Variants in TOR1B observed in about 807,000 individuals in gnomAD.
TOR1B encodes torsin family 1 member B, also known as torsin-1B.
Under a neutral mutation model 29.2 loss-of-function variants are expected in TOR1B, and 14 were observed. The ratio of observed to expected loss-of-function variants is 0.48; its 90% CI spans 0.32 to 0.75. The LOEUF (loss-of-function observed/expected upper bound fraction) is 0.75, where lower values mean the gene tolerates loss of function less well. Among genes scored for constraint, TOR1B ranks in the 30% least tolerant of loss-of-function variants. The pLI is 0.04. For missense variants in TOR1B, 400 were observed against 433.9 expected (o/e 0.92, Z 0.69); for synonymous variants, 166 against 179.8 (o/e 0.92, Z 0.62).
chr9:129,809,670 G>A lies in TOR1B; in HGVS notation c.*87G>A. ...TCAGAAGAACCCTGAAGACCGCTTT[G>A]GGGTTTTGCCTGTTTGCACCTTAGA... On this transcript the variant is annotated 3_prime_UTR_variant, in exon 5 of 5. Transcript: ENST00000259339. The A allele has an allele frequency of 6.4e-7, 1 of 1,569,706 alleles. No homozygotes were observed. The highest frequency in any genetic ancestry group is 1.2e-5 in the South Asian group (1 of 84,796).
In TOR1B at chr9:129,804,270, A is replaced by G. The variant is rs1424559994; in HGVS notation, c.397A>G (p.Ser133Gly). The G allele has an allele frequency of 6.2e-7, 1 of 1,614,234 alleles. No individual in the cohort carries two copies. The highest frequency in any genetic ancestry group is 1.7e-5 in the Admixed American group (1 of 60,020). ...AAATCTTCACCCAAAAGGTCTGAAGAGTAACTTTGTCCACCTGTTTGTATC... is the reference window on the plus strand; with the variant it reads ...AAATCTTCACCCAAAAGGTCTGAAGGGTAACTTTGTCCACCTGTTTGTATC... The part of the protein sequence containing the change: ...AENLHPKGLK[S>G]NFVHLFVSTL... Residue 133 changes from serine (S) to glycine (G), a missense_variant, in exon 2 of 5, where the codon AGT becomes GGT. Physicochemically the swap from Ser to Gly is moderately conservative, Grantham distance 56. Transcript: ENST00000259339.
rs542740092 is a variant in TOR1B, at chr9:129,810,351, G to C, written c.*768G>C. 844 of 1,105,482 alleles carry C rather than the reference G, an allele frequency of 7.6e-4. 59 individuals are homozygous for C. In the South Asian group the frequency reaches 9.9e-3, roughly 13 times the overall value. The allele number at this position is 1,105,482 out of a possible 1,614,324, so 68.5% of individuals were successfully genotyped here. A position where few individuals can be genotyped will look rare whatever the true frequency, so the allele number is the denominator to read the frequency against. On this transcript the variant is annotated 3_prime_UTR_variant, in exon 5 of 5. Coordinates refer to ENST00000259339, the MANE Select transcript of TOR1B (RefSeq NM_014506.3). ...TGAGCTGACCTGTGTGTGTGTGTGTGGGGGGGTGGGGCCTTCACCTAAGAC... is the reference window on the plus strand; with the variant it reads ...TGAGCTGACCTGTGTGTGTGTGTGTCGGGGGGTGGGGCCTTCACCTAAGAC...
intron 2 of TOR1B, among the ~76,000 whole-genome samples, chr9:129,806,957 G>C (rs1377159643): frequency 6.6e-6 from 1 of 152,168 alleles, no homozygotes; most frequent in Non-Finnish European, 1.5e-5. Context: ...AGATTTAATA[G>C]TCATTTGAGT....
At chr9:129,808,747 A>G (rs1260837376) in intron 3 of TOR1B, among the ~76,000 whole-genome samples, 158 bp from the exon 4 acceptor site, 1 of 151,134 alleles carries the variant, frequency 6.6e-6, no homozygotes, top group Non-Finnish European at 1.5e-5. Flanking sequence ...AGATGGGGTT[A>G]CTCTATGTTG....
At chr9:129,807,845 C>T (rs893526344) in intron 3 of TOR1B, among the ~76,000 whole-genome samples, 1 of 103,360 alleles carries the variant, frequency 9.7e-6, no homozygotes, top group African/African-American at 3.6e-5. Context: ...GACTCTGTCT[C>T]AAAAAAAAAA....
At chr9:129,809,314 G>A in intron 4 of TOR1B, 28 bp from the exon 5 acceptor site, 1 of 1,612,410 alleles carries the variant, frequency 6.2e-7, no homozygotes, top group Non-Finnish European at 8.5e-7. Flanking sequence ...GGTGGTGGCA[G>A]GAAACCCAGC....
At chr9:129,805,188 C>CA (rs2030407295) in intron 2 of TOR1B, among the ~76,000 whole-genome samples, 1 of 150,438 alleles carries the variant, frequency 6.6e-6, no homozygotes, top group Non-Finnish European at 1.5e-5. Context: ...TGCAGTGGCT[C>CA]ACGCCTGTAA....
At position 129,810,422 on chromosome 9, in the gene TOR1B, G is replaced by T; in HGVS notation, c.*839G>T. 8.3e-7 allele frequency: 1 copy of T among 1,205,306 alleles called. No individual in the cohort carries two copies. The highest frequency in any genetic ancestry group is 1.5e-5 in the South Asian group (1 of 68,460). The allele number at this position is 1,205,306 out of a possible 1,614,324, so 74.7% of individuals were successfully genotyped here. On this transcript the variant is annotated 3_prime_UTR_variant, in exon 5 of 5. Transcript: ENST00000259339. ...GACAGGCCCCTCCCGCCTGTCCATC[G>T]CTCTAGCTGCTAATACAGCCCTGGC...
In TOR1B at chr9:129,808,942, G is replaced by T. The variant is rs768801984; in HGVS notation, c.679G>T (p.Asp227Tyr). The T allele has an allele frequency of 1.5e-5, 24 of 1,613,888 alleles. No homozygotes were observed. Among genetic ancestry groups the T allele is most frequent in the Non-Finnish European group, 1.9e-5 (22 of 1,180,016 alleles). ...GGDLITKTAL[D>Y]FWRAGRKRED... is the part of the protein sequence containing the mutation. ...GGACCTTATAACTAAGACGGCTCTT[G>T]ACTTTTGGCGGGCCGGAAGAAAGAG... Residue 227 changes from aspartate (D) to tyrosine (Y), a missense_variant, in exon 4 of 5, where the codon GAC (aspartate) becomes TAC (tyrosine). Physicochemically the swap from Asp to Tyr is radical, Grantham distance 160 (BLOSUM62 -3). Transcript: ENST00000259339.
rs2030787240 is a variant in TOR1B, at chr9:129,810,353, G to GGC, written c.*771_*772insCG. 14 of 1,092,704 alleles carry GGC rather than the reference G, an allele frequency of 1.3e-5. No individual in the cohort carries two copies. In the African/African-American group the frequency reaches 2.4e-4, roughly 19 times the overall value. The allele number at this position is 1,092,704 out of a possible 1,614,324, so 67.7% of individuals were successfully genotyped here. Reference sequence around the variant, plus strand: ...AGCTGACCTGTGTGTGTGTGTGTGGGGGGGTGGGGCCTTCACCTAAGACCT... The same window carrying GGC: ...AGCTGACCTGTGTGTGTGTGTGTGGGGCGGGGTGGGGCCTTCACCTAAGACCT... On this transcript the variant is annotated 3_prime_UTR_variant, in exon 5 of 5. Transcript: ENST00000259339.
In TOR1B at chr9:129,810,132, T is replaced by G; in HGVS notation, c.*549T>G. The G allele has an allele frequency of 1.5e-6, 2 of 1,300,240 alleles. No individual in the cohort carries two copies. Among genetic ancestry groups the G allele is most frequent in the Non-Finnish European group, 2.0e-6 (2 of 985,790 alleles). 80.5% of individuals were successfully genotyped at this position (1,300,240 alleles called of 1,614,324 possible). A position where few individuals can be genotyped will look rare whatever the true frequency, so the allele number is the denominator to read the frequency against. Reference sequence around the variant, plus strand: ...AGGAGTCCAGGGACTTGCTGCAGGCTGGGGGGCACTGGGTGGTTCTCACCA... The same window carrying G: ...AGGAGTCCAGGGACTTGCTGCAGGCGGGGGGGCACTGGGTGGTTCTCACCA... On this transcript the variant is annotated 3_prime_UTR_variant, in exon 5 of 5. Coordinates refer to ENST00000259339, the MANE Select transcript of TOR1B (RefSeq NM_014506.3).
At chr9:129,803,961 G>A in intron 1 of TOR1B, 112 bp from the exon 2 acceptor site, 2 of 1,433,934 alleles carry the variant, frequency 1.4e-6, no homozygotes, top group Non-Finnish European at 1.9e-6. Context: ...CAGACACCCT[G>A]CTGTGTCCCT....
At chr9:129,805,021 C>G (rs1045156158) in intron 2 of TOR1B, among the ~76,000 whole-genome samples, 6 of 151,520 alleles carry the variant, frequency 4.0e-5, no homozygotes, top group Non-Finnish European at 8.8e-5. Flanking sequence ...ACCTGTTGTC[C>G]CAGCTACTCG....
chr9:129,808,823 A>G (rs2030656764), intron 3 of TOR1B, 82 bp from the exon 4 acceptor site: 4 of 1,565,118 alleles, frequency 2.6e-6, no homozygotes, highest in African/African-American at 2.7e-5. Context: ...AAGTGCTGGG[A>G]TTACAGGCAT....
rs770160492 is a variant in TOR1B at position 129,809,415 on chromosome 9, C to T, written c.843C>T (p.Tyr281=). 67 of 1,614,050 alleles carry T rather than the reference C, an allele frequency of 4.2e-5. No homozygotes were observed. Among genetic ancestry groups the T allele is most frequent in the Non-Finnish European group, 4.7e-5 (55 of 1,180,036 alleles). The change falls in exon 5 of 5, where the codon TAC becomes TAT. Residue 281 remains tyrosine (Y), a synonymous_variant. Coordinates refer to ENST00000259339, the MANE Select transcript of TOR1B (RefSeq NM_014506.3). The part of the protein sequence containing the change: ...DYFIPFLPLE[Y]RHVKMCVRAE... ...TTATCCCCTTCCTGCCTTTGGAGTA[C>T]AGACATGTGAAAATGTGTGTGAGGG...
intron 2 of TOR1B, 22 bp downstream of exon 2, chr9:129,804,360 T>C: frequency 6.2e-7 from 1 of 1,605,358 alleles, no homozygotes; most frequent in South Asian, 1.1e-5. Context: ...CGCTATTATC[T>C]CGTCTGCAGG....
intron 2 of TOR1B, among the ~76,000 whole-genome samples, chr9:129,806,217 C>T (rs2030475243): frequency 6.6e-6 from 1 of 151,904 alleles, no homozygotes; most frequent in East Asian, 1.9e-4. Flanking sequence ...GCCCAACAAA[C>T]TGACGTGAGA....
intron 3 of TOR1B, 139 bp downstream of exon 3, chr9:129,807,502 T>C (rs1184314273): frequency 9.8e-6 from 10 of 1,019,076 alleles, no homozygotes; most frequent in Non-Finnish European, 1.4e-5. Flanking sequence ...ACTGCTTTAC[T>C]TTTCCTTTGC....
In TOR1B at chr9:129,804,161, C is replaced by T. The variant is rs1195850242; in HGVS notation, c.288C>T (p.Asn96=). 8 of 1,614,108 alleles carry T rather than the reference C, an allele frequency of 5.0e-6. No homozygotes were observed. Among genetic ancestry groups the T allele is most frequent in the Non-Finnish European group, 6.8e-6 (8 of 1,180,058 alleles). Reference sequence around the variant, plus strand: ...AGGCGCTGACTGGCTTCAGGAACAACAAAAATCCCAAGAAACCACTGACCC... The same window carrying T: ...AGGCGCTGACTGGCTTCAGGAACAATAAAAATCCCAAGAAACCACTGACCC... ...IFKALTGFRN[N]KNPKKPLTLS... is the part of the protein sequence containing the mutation. Residue 96 remains asparagine (N), a synonymous_variant, in exon 2 of 5, where the codon AAC becomes AAT. Transcript: ENST00000259339.
Sources: gnomAD v4.1 joint callset for allele counts (sites outside exome capture counted in the v4.1 genomes callset) on GRCh38, gnomAD v4.1.1 for gene constraint, MANE v1.5 for transcripts, NCBI Gene and HGNC (gene_info 2026-07-23, HGNC 2026-07-21) for gene names.